The following FYB2 variants were observed in gnomAD, a reference collection of about 807,000 sequenced individuals.
The protein encoded by FYB2 is FYN binding protein 2.
FYB2 carries 103 observed loss-of-function variants against 94.1 expected under a neutral mutation model. The ratio of observed to expected loss-of-function variants is 1.09; its 90% CI spans 0.93 to 1.29. The LOEUF (loss-of-function observed/expected upper bound fraction) is 1.29, where lower values mean the gene tolerates loss of function less well. FYB2 is among the 50% of genes most tolerant of loss of function. The pLI, the probability that FYB2 is intolerant of heterozygous loss-of-function variation, is 0.00. For missense variants in FYB2, 896 were observed against 841.5 expected (o/e 1.06, Z -0.80); for synonymous variants, 293 against 287.9 (o/e 1.02, Z -0.18).
chr1:56,809,491 G>T (rs1570244176), intron 1 of FYB2, among the ~76,000 whole-genome samples: 1 of 152,114 alleles, frequency 6.6e-6, no homozygotes. Flanking sequence ...ATTTGCTGAA[G>T]GAATGAATGC....
intron 4 of FYB2, among the ~76,000 whole-genome samples, chr1:56,773,568 TG>T (rs1439095564): frequency 6.6e-6 from 1 of 152,152 alleles, no homozygotes. Context: ...AATCACAATG[TG>T]GAAAATGCCT....
intron 4 of FYB2, among the ~76,000 whole-genome samples, chr1:56,775,845 G>C (rs547061215): frequency 1.3e-5 from 2 of 152,146 alleles, no homozygotes; most frequent in African/African-American, 4.8e-5. Flanking sequence ...AGAAAAGTAT[G>C]TCTGCTAGTG....
chr1:56,742,776 C>G (rs759288856), intron 11 of FYB2, among the ~76,000 whole-genome samples: 1 of 151,970 alleles, frequency 6.6e-6, no homozygotes, highest in Non-Finnish European at 1.5e-5. Context: ...ACACAATGAT[C>G]TTAGAGGAGT....
intron 15 of FYB2, among the ~76,000 whole-genome samples, chr1:56,734,426 A>G (rs948101985): frequency 2.0e-5 from 3 of 152,152 alleles, no homozygotes; most frequent in East Asian, 1.9e-4. Context: ...ATGTCCATCA[A>G]TGATAGACTG....
the FYB2 span, chr1:56,826,763 C>T: frequency 6.6e-6 from 1 of 152,220 alleles, no homozygotes; most frequent in Admixed American, 6.5e-5. Flanking sequence ...CCTTCATAAA[C>T]TCACCACCCT....
chr1:56,759,499 T>C (rs1645437412), intron 5 of FYB2, among the ~76,000 whole-genome samples: 1 of 152,166 alleles, frequency 6.6e-6, no homozygotes, highest in Admixed American at 6.6e-5. Flanking sequence ...CAGTTATAGA[T>C]AGTTGTGTAT....
At chr1:56,818,871 C>T (rs1646947039) in intron 1 of FYB2, among the ~76,000 whole-genome samples, 1 of 152,176 alleles carries the variant, frequency 6.6e-6, no homozygotes, top group Non-Finnish European at 1.5e-5. Flanking sequence ...CTTCCTAGCA[C>T]CAAGCACTGC....
intron 17 of FYB2, chr1:56,720,598 T>C (rs1644467286): frequency 4.0e-6 from 1 of 252,604 alleles, no homozygotes; most frequent in African/African-American, 2.3e-5. Context: ...ATTTTTTCTC[T>C]CAAATCTTTT....
At position 56,788,828 on chromosome 1, in the gene FYB2, G is replaced by C. The variant is rs755940822; in HGVS notation, c.919+145C>G. The stretch of plus-strand genomic sequence containing the variant: ...CACAGAGACATCGTTTCATGGGCAA[G>C]CTGCCACAGCCTCTAGATGAGAATA... On this transcript the variant is annotated intron_variant, in intron 3 of 19. Coordinates refer to ENST00000343433, the MANE Select transcript of FYB2 (RefSeq NM_001004303.5). 8 of 1,181,326 alleles carry C rather than the reference G, an allele frequency of 6.8e-6. No individual in the cohort carries two copies. The South Asian group carries it at 1.1e-4, about 16-fold the overall frequency. 73.2% of individuals were successfully genotyped at this position (1,181,326 alleles called of 1,614,324 possible).
At chr1:56,823,759 A>C (rs929861517), upstream of FYB2, 1 of 152,178 alleles carries the variant, frequency 6.6e-6, no homozygotes, top group Non-Finnish European at 1.5e-5. Context: ...GGATGTAGCA[A>C]CCCTTTTGGT....
chr1:56,750,152 A>G (rs990483245), intron 9 of FYB2, among the ~76,000 whole-genome samples: 7 of 152,060 alleles, frequency 4.6e-5, no homozygotes, highest in African/African-American at 1.7e-4. Flanking sequence ...CACATAAATC[A>G]TGAATTGCAA....
At chr1:56,815,076 T>C (rs1646851378) in intron 1 of FYB2, among the ~76,000 whole-genome samples, 1 of 152,192 alleles carries the variant, frequency 6.6e-6, no homozygotes. Flanking sequence ...CCTTTCAATA[T>C]CCAGATCCTA....
At chr1:56,785,747 A>T (rs1305952683) in intron 4 of FYB2, among the ~76,000 whole-genome samples, 1 of 152,098 alleles carries the variant, frequency 6.6e-6, no homozygotes, top group Non-Finnish European at 1.5e-5. Flanking sequence ...TCCTGCCTCT[A>T]CCTAGAGTGT....
chr1:56,780,994 T>C (rs370027234), intron 4 of FYB2, among the ~76,000 whole-genome samples: 3 of 152,322 alleles, frequency 2.0e-5, no homozygotes, highest in East Asian at 3.9e-4. Flanking sequence ...TGGGACTTCC[T>C]GGCCTGCTTT....
rs143486105 is a variant in FYB2, at chr1:56,738,643, T to G, written c.1714A>C (p.Ile572Leu). Residue 572 changes from isoleucine (I) to leucine (L), a missense_variant, in exon 14 of 20, where the codon ATT becomes CTT. By Grantham distance (5) the Ile-to-Leu change is conservative. Coordinates refer to ENST00000343433, the MANE Select transcript of FYB2 (RefSeq NM_001004303.5). ...KSKENLSAFSILLPDLELKSQ... is the reference protein window; with the variant it reads ...KSKENLSAFSLLLPDLELKSQ... ...CACTTACCTAAATCAGGCAGCAAAA[T>G]GGAAAATGCACTGTTGATTGACAAA... The G allele has an allele frequency of 5.4e-5, 87 of 1,610,152 alleles. No homozygotes were observed. In the African/African-American group the frequency reaches 1.1e-3, roughly 20 times the overall value.
At chr1:56,772,705 A>T (rs1218409147) in intron 4 of FYB2, among the ~76,000 whole-genome samples, 2 of 152,156 alleles carry the variant, frequency 1.3e-5, no homozygotes, top group African/African-American at 4.8e-5. Flanking sequence ...CATTCTAGTT[A>T]TAAAGAACTG....
intron 7 of FYB2, among the ~76,000 whole-genome samples, chr1:56,755,096 C>T (rs546622047): frequency 1.2e-4 from 18 of 152,102 alleles, no homozygotes; most frequent in African/African-American, 4.1e-4. Context: ...TAGAATAACT[C>T]CAGGGAGAAG....
chr1:56,819,185 A>C (rs886717951), intron 1 of FYB2, 97 bp downstream of exon 1: 4 of 1,438,900 alleles, frequency 2.8e-6, no homozygotes, highest in Middle Eastern at 1.9e-4. Context: ...GAGGCAGCAC[A>C]CACAAGCAGT....
rs1168969322 is a variant in FYB2 at position 56,788,979 on chromosome 1, C to T, written c.913G>A (p.Gly305Arg). Reference sequence around the variant, plus strand: ...GCCCTGTGCATTTCCTTACCTTCCCCCTGAGTCTTGGGAACAGCAGCTGGC... The same window carrying T: ...GCCCTGTGCATTTCCTTACCTTCCCTCTGAGTCTTGGGAACAGCAGCTGGC... ...RQPAAVPKTQ[G>R]EVTVEEGSLS... Residue 305 changes from glycine (G) to arginine (R), a missense_variant, in exon 3 of 20, where the codon GGG (glycine) becomes AGG (arginine). By Grantham distance (125) the Gly-to-Arg change is moderately radical (BLOSUM62 -2). Coordinates refer to ENST00000343433, the MANE Select transcript of FYB2 (RefSeq NM_001004303.5). The T allele has an allele frequency of 1.9e-6, 3 of 1,614,034 alleles. No homozygotes were observed. The highest frequency in any genetic ancestry group is 1.3e-5 in the African/African-American group (1 of 75,006).
Sources: gnomAD v4.1 joint callset for allele counts (sites outside exome capture counted in the v4.1 genomes callset) on GRCh38, gnomAD v4.1.1 for gene constraint, MANE v1.5 for transcripts, NCBI Gene and HGNC (gene_info 2026-07-23, HGNC 2026-07-21) for gene names.